SEZ6L2: variants seen among roughly 807,000 people sequenced by gnomAD.
SEZ6L2 encodes seizure related 6 homolog like 2, also known as seizure 6-like protein 2.
SEZ6L2 carries 44 observed loss-of-function variants against 97.0 expected under a neutral mutation model. That is an observed-to-expected ratio of 0.45 (90% confidence interval 0.36 to 0.58). The LOEUF is 0.58. Ranked by LOEUF, SEZ6L2 falls within the 20% of genes least tolerant of loss-of-function variation. SEZ6L2 has a pLI of 0.00. For missense variants in SEZ6L2, 1,086 were observed against 1,233.3 expected (o/e 0.88, Z 1.79); for synonymous variants, 543 against 546.1 (o/e 0.99, Z 0.08).
intron 2 of SEZ6L2, 128 bp from the exon 3 acceptor site, chr16:29,897,249 C>A (rs930192862): frequency 1.2e-6 from 1 of 812,864 alleles, no homozygotes; most frequent in Non-Finnish European, 1.9e-6. Flanking sequence ...AGGTACAGCA[C>A]CCCCCACCTT....
Position 29,878,275 on chromosome 16 carries a change from A to T in SEZ6L2, c.1712+12T>A. 6.3e-7 allele frequency: 1 copy of T among 1,588,544 alleles called. No homozygotes were observed. Among genetic ancestry groups the T allele is most frequent in the Non-Finnish European group, 8.6e-7 (1 of 1,165,040 alleles). ...CTACACCCGTCGCACCCTCTGCAGG[A>T]CCCAAACATACATCTCAACTTGGAG... On this transcript the variant is annotated intron_variant, in intron 10 of 17. Transcript: ENST00000617533.
intron 8 of SEZ6L2, 120 bp from the exon 9 acceptor site, chr16:29,880,184 A>C: frequency 2.4e-6 from 2 of 825,820 alleles, no homozygotes; most frequent in South Asian, 3.7e-5. Context: ...TTTTTTTTTT[A>C]AACAGTCTTG....
chr16:29,879,318 C>T (rs944988694), intron 9 of SEZ6L2, among the ~76,000 whole-genome samples: 9 of 151,920 alleles, frequency 5.9e-5, no homozygotes, highest in Non-Finnish European at 8.8e-5. Context: ...CTCCGCCTCC[C>T]GGGTTCAAGC....
At chr16:29,872,950 G>C (rs1045895409) in intron 14 of SEZ6L2, among the ~76,000 whole-genome samples, 4 of 152,196 alleles carry the variant, frequency 2.6e-5, no homozygotes, top group Non-Finnish European at 5.9e-5. Context: ...AAAAGTCAGG[G>C]TTCCTGGACA....
chr16:29,874,415 C>T (rs914883553), intron 12 of SEZ6L2, among the ~76,000 whole-genome samples: 1 of 152,098 alleles, frequency 6.6e-6, no homozygotes, highest in Non-Finnish European at 1.5e-5. Flanking sequence ...CACATACACT[C>T]CCTGCCTTCA....
In SEZ6L2 at chr16:29,873,503, C is replaced by T. The variant is rs762006027; in HGVS notation, c.2296+35G>A. 2 of 1,613,962 alleles carry T rather than the reference C, an allele frequency of 1.2e-6. No individual in the cohort carries two copies. Among genetic ancestry groups the T allele is most frequent in the South Asian group, 2.2e-5 (2 of 91,058 alleles). ...GGGCAGACGGGCTCTCCCAGGGCTA[C>T]CCAGCCACCCTCCCAGGGTGTGCCC... On this transcript the variant is annotated intron_variant, in intron 13 of 17. Transcript: ENST00000617533. The surrounding 1 kb of genome is among the most constrained non-coding windows in gnomAD (Gnocchi z 4.3).
At chr16:29,878,180 G>GA in intron 10 of SEZ6L2, 107 bp downstream of exon 10, 1 of 1,348,856 alleles carries the variant, frequency 7.4e-7, no homozygotes. Context: ...CCGAATTCTG[G>GA]ATAGATACGC....
At chr16:29,883,901 C>G (rs1266657726) in intron 8 of SEZ6L2, among the ~76,000 whole-genome samples, 1 of 151,950 alleles carries the variant, frequency 6.6e-6, no homozygotes, top group Non-Finnish European at 1.5e-5. Context: ...CACCGCACTA[C>G]GGCCTGGGCG....
Position 29,885,658 on chromosome 16 carries a change from C to T in SEZ6L2, c.1300G>A (p.Ala434Thr), listed in dbSNP as rs757314967. The T allele has an allele frequency of 7.4e-6, 12 of 1,613,836 alleles. No individual in the cohort carries two copies. The highest frequency in any genetic ancestry group is 1.7e-5 in the Admixed American group (1 of 59,964). ...DVPERGLISD[A>T]QSLYVELLSE... ...AGCAGCTCCACGTAGAGGGACTGGGCGTCACTGATGAGACCCCGCTCGGGG... is the reference window on the plus strand; with the variant it reads ...AGCAGCTCCACGTAGAGGGACTGGGTGTCACTGATGAGACCCCGCTCGGGG... The change falls in exon 8 of 18, where the codon GCC (alanine) becomes ACC (threonine). Residue 434 changes from alanine (A) to threonine (T), a missense_variant. Around this residue, in one of 2 missense-constraint regions of SEZ6L2, gnomAD observed 776 missense variants for 794.7 expected, o/e 0.98. Transcript: ENST00000617533.
chr16:29,872,639 T>A, intron 15 of SEZ6L2, 66 bp downstream of exon 15: 1 of 1,602,254 alleles, frequency 6.2e-7, no homozygotes, highest in Non-Finnish European at 8.5e-7. Context: ...CCTGGCCTCC[T>A]GCCCCAGCCT....
chr16:29,895,285 C>G lies in SEZ6L2; in HGVS notation c.827G>C (p.Gly276Ala), dbSNP rs775118033. The change falls in exon 5 of 18, where the codon GGC becomes GCC. Residue 276 changes from glycine to alanine, a missense_variant. Transcript: ENST00000617533. ...CTGATAGTGGATCCTGAAGCCACCG[C>G]CCCTTGGGACCCGTGGGCTCTGGAA... The part of the protein sequence containing the change: ...LHFQSPRVPR[G>A]GGFRIHYQAY... 6.2e-7 allele frequency: 1 copy of G among 1,614,112 alleles called. No individual in the cohort carries two copies. The highest frequency in any genetic ancestry group is 1.7e-5 in the Admixed American group (1 of 59,998).
At chr16:29,895,501 A>G (rs1363530895) in intron 4 of SEZ6L2, 41 bp from the exon 5 acceptor site, 7 of 1,603,340 alleles carry the variant, frequency 4.4e-6, no homozygotes, top group Non-Finnish European at 5.1e-6. Flanking sequence ...CAAGTCAGCC[A>G]GGTGTTTGAC....
intron 12 of SEZ6L2, among the ~76,000 whole-genome samples, chr16:29,874,513 GT>G (rs2067856165): frequency 1.1e-5 from 1 of 92,102 alleles, no homozygotes; most frequent in Non-Finnish European, 2.2e-5. Context: ...CCTGCTAAAT[GT>G]TTTACAAACA....
At chr16:29,891,701 G>C (rs370752896) in intron 5 of SEZ6L2, among the ~76,000 whole-genome samples, 1 of 151,928 alleles carries the variant, frequency 6.6e-6, no homozygotes, top group Non-Finnish European at 1.5e-5. Flanking sequence ...AGCATGGATC[G>C]GTGCAAAGAC....
intron 3 of SEZ6L2, among the ~76,000 whole-genome samples, 196 bp downstream of exon 3, chr16:29,896,626 C>T (rs1325193802): frequency 6.6e-6 from 1 of 152,192 alleles, no homozygotes; most frequent in Non-Finnish European, 1.5e-5. Flanking sequence ...AACTCCCTTT[C>T]CCAACTGTTA....
At chr16:29,880,221 G>A (rs1388328683) in intron 8 of SEZ6L2, among the ~76,000 whole-genome samples, 157 bp from the exon 9 acceptor site, 2 of 151,710 alleles carry the variant, frequency 1.3e-5, no homozygotes, top group Admixed American at 1.3e-4. Flanking sequence ...GGAGTGCAGT[G>A]GTACAACCTT....
chr16:29,887,315 T>C (rs897707439), intron 7 of SEZ6L2, among the ~76,000 whole-genome samples: 1 of 151,166 alleles, frequency 6.6e-6, no homozygotes, highest in Non-Finnish European at 1.5e-5. Context: ...CTTTTTTTTT[T>C]TTTGAGACGG....
In SEZ6L2 at chr16:29,899,223, C is replaced by T. The variant is rs1301568069; in HGVS notation, c.-204G>A. 48 of 569,244 alleles carry T rather than the reference C, an allele frequency of 8.4e-5. No individual in the cohort carries two copies. Among genetic ancestry groups the T allele is most frequent in the Non-Finnish European group, 1.2e-5 (4 of 324,644 alleles). 35.3% of individuals were successfully genotyped at this position (569,244 alleles called of 1,614,324 possible). A position where few individuals can be genotyped will look rare whatever the true frequency, so the allele number is the denominator to read the frequency against. ...TAGGGGTCGCCTGGAGCCCACCCCC[C>T]TTTGCTCAGTCTCCTCTGTCCTCTT... On this transcript the variant is annotated 5_prime_UTR_variant, in exon 1 of 18. Coordinates refer to ENST00000617533, the MANE Select transcript of SEZ6L2 (RefSeq NM_001243332.2).
chr16:29,891,883 G>A (rs181264342), intron 5 of SEZ6L2, among the ~76,000 whole-genome samples: 1 of 152,164 alleles, frequency 6.6e-6, no homozygotes, highest in Non-Finnish European at 1.5e-5. Flanking sequence ...AACACGCAAA[G>A]CACCTGGCAC....
Sources: allele counts gnomAD v4.1 joint callset (sites outside exome capture counted in the v4.1 genomes callset), GRCh38; gene constraint gnomAD v4.1.1; regional missense constraint gnomAD v4.1.1; non-coding constraint Gnocchi (gnomAD v3.1); transcripts MANE v1.5; gene names NCBI Gene and HGNC (gene_info 2026-07-23, HGNC 2026-07-21).